Variants in LRRC4C observed in about 807,000 individuals in gnomAD.
LRRC4C encodes the protein leucine-rich repeat-containing protein 4C.
LRRC4C carries 5 observed loss-of-function variants against 33.6 expected under a neutral mutation model. That is an observed-to-expected ratio of 0.15 (90% confidence interval 0.08 to 0.31). The LOEUF (loss-of-function observed/expected upper bound fraction) is 0.31. LRRC4C is among the 10% of genes least tolerant of loss of function. The probability of loss-of-function intolerance (pLI) is 1.00; values close to 1 mark genes in which losing one functional copy is unlikely to be tolerated. For synonymous variants in LRRC4C, 329 were observed against 302.0 expected (o/e 1.09, Z -0.93); for missense variants, 560 against 796.7 (o/e 0.70, Z 3.58).
chr11:40,671,523 C>T (rs1944109162), intron 2 of LRRC4C, among the ~76,000 whole-genome samples: 1 of 151,922 alleles, frequency 6.6e-6, no homozygotes, highest in Non-Finnish European at 1.5e-5. Context: ...CATCATTGGC[C>T]ATCTTTCACT....
intron 5 of LRRC4C, among the ~76,000 whole-genome samples, chr11:40,176,539 C>T (rs1590622803): frequency 1.4e-5 from 2 of 138,906 alleles, no homozygotes; most frequent in African/African-American, 5.3e-5. Context: ...TTTTTCCACT[C>T]TTTTTTTTTT....
At chr11:40,414,243 G>C (rs887890599) in intron 3 of LRRC4C, among the ~76,000 whole-genome samples, 3 of 152,062 alleles carry the variant, frequency 2.0e-5, no homozygotes, top group Admixed American at 2.0e-4. Flanking sequence ...CACTAGGAAC[G>C]AGAGGATTGG....
At chr11:40,374,659 C>T (rs1261743772) in intron 3 of LRRC4C, among the ~76,000 whole-genome samples, 1 of 152,054 alleles carries the variant, frequency 6.6e-6, no homozygotes, top group Admixed American at 6.6e-5. Context: ...ATTTCATATC[C>T]AGCAAGCATA....
intron 1 of LRRC4C, among the ~76,000 whole-genome samples, chr11:41,240,362 G>T (rs1047864702): frequency 5.3e-5 from 8 of 152,124 alleles, no homozygotes; most frequent in Non-Finnish European, 7.4e-5. Context: ...ATGATAAAAT[G>T]CAGGAGTAAA....
chr11:41,235,410 A>G (rs1168719818), intron 1 of LRRC4C, among the ~76,000 whole-genome samples: 1 of 152,100 alleles, frequency 6.6e-6, no homozygotes, highest in Non-Finnish European at 1.5e-5. Context: ...TGCATGAAGC[A>G]GTATTCTGTG....
At chr11:41,320,904 A>G (rs1950939596) in intron 1 of LRRC4C, among the ~76,000 whole-genome samples, 1 of 152,220 alleles carries the variant, frequency 6.6e-6, no homozygotes, top group African/African-American at 2.4e-5. Flanking sequence ...GAATGAAGTC[A>G]TCTGTTCCAG....
chr11:40,229,682 A>G (rs1395094240), intron 5 of LRRC4C, among the ~76,000 whole-genome samples: 7 of 152,192 alleles, frequency 4.6e-5, no homozygotes, highest in Non-Finnish European at 8.8e-5. Context: ...TTCTTCTTCC[A>G]ATATATTTTC....
chr11:40,352,880 CA>C, intron 3 of LRRC4C, among the ~76,000 whole-genome samples: 1 of 152,266 alleles, frequency 6.6e-6, no homozygotes, highest in South Asian at 2.1e-4. Flanking sequence ...TTTCCTTCAG[CA>C]CTTTTAATAT....
At chr11:40,483,995 G>A (rs1953726799) in intron 3 of LRRC4C, among the ~76,000 whole-genome samples, 1 of 151,874 alleles carries the variant, frequency 6.6e-6, no homozygotes, top group African/African-American at 2.4e-5. Flanking sequence ...TAAGTAATGG[G>A]TAAATAAAAA....
Position 40,149,730 on chromosome 11 carries a change from A to T in LRRC4C, c.-95-8877T>A, listed in dbSNP as rs147743262. On this transcript the variant is annotated intron_variant, in intron 5 of 6. Transcript: ENST00000528697. ...AAGAATGATAAGAAAGAACTTAGAT[A>T]TAAAAACATCTGGGAGAAAAATATT... is the stretch of plus-strand genomic sequence containing the variant. Among the ~76,000 whole-genome samples the T allele has an allele frequency of 3.6e-3, 555 of 152,328 alleles. 1 individual carries two copies. The highest frequency in any genetic ancestry group is 0.013 in the African/African-American group (528 of 41,568).
intron 5 of LRRC4C, among the ~76,000 whole-genome samples, chr11:40,176,608 A>G (rs1590622974): frequency 6.6e-6 from 1 of 151,532 alleles, no homozygotes; most frequent in African/African-American, 2.4e-5. Context: ...TGGTACAAAC[A>G]TAGCTCGTTG....
At chr11:40,732,879 A>G (rs2136805327) in intron 2 of LRRC4C, among the ~76,000 whole-genome samples, 1 of 152,082 alleles carries the variant, frequency 6.6e-6, no homozygotes, top group South Asian at 2.1e-4. Context: ...TTTGTGGATC[A>G]TTTATTAGGT....
intron 1 of LRRC4C, among the ~76,000 whole-genome samples, chr11:41,174,750 G>T (rs1236050359): frequency 1.3e-5 from 2 of 151,682 alleles, no homozygotes; most frequent in Middle Eastern, 3.4e-3. Context: ...TATACCTTTG[G>T]CTCAGAACTC....
At chr11:40,454,158 A>G (rs1952025436) in intron 3 of LRRC4C, among the ~76,000 whole-genome samples, 1 of 149,596 alleles carries the variant, frequency 6.7e-6, no homozygotes, top group South Asian at 2.1e-4. Flanking sequence ...TTATAAAATG[A>G]CCACTTGATT....
chr11:40,559,186 T>C (rs1209862257), intron 3 of LRRC4C, among the ~76,000 whole-genome samples: 1 of 150,670 alleles, frequency 6.6e-6, no homozygotes, highest in African/African-American at 2.4e-5. Flanking sequence ...TGCGTCTTTT[T>C]TTTTTTTTTT....
At chr11:40,826,120 T>C (rs909493642) in intron 2 of LRRC4C, among the ~76,000 whole-genome samples, 7 of 151,966 alleles carry the variant, frequency 4.6e-5, no homozygotes, top group African/African-American at 1.7e-4. Flanking sequence ...TAGAACTAAC[T>C]GCTTGTTAAA....
intron 3 of LRRC4C, among the ~76,000 whole-genome samples, chr11:40,520,439 G>A (rs1030235566): frequency 2.0e-5 from 3 of 152,112 alleles, no homozygotes; most frequent in African/African-American, 7.2e-5. Context: ...TTATTGAAGG[G>A]TTATTAATTA....
chr11:41,065,552 G>T (rs35286713), intron 1 of LRRC4C, among the ~76,000 whole-genome samples: 1 of 152,106 alleles, frequency 6.6e-6, no homozygotes, highest in East Asian at 1.9e-4. Flanking sequence ...CCAGCATAGC[G>T]CACCAGCTCT....
At chr11:41,192,609 C>A (rs1946006769) in intron 1 of LRRC4C, among the ~76,000 whole-genome samples, 1 of 152,024 alleles carries the variant, frequency 6.6e-6, no homozygotes, top group East Asian at 1.9e-4. Flanking sequence ...CCAGCAAGAA[C>A]AAAAACCTTG....
Sources: gnomAD v4.1 joint callset for allele counts (sites outside exome capture counted in the v4.1 genomes callset) on GRCh38, gnomAD v4.1.1 for gene constraint, MANE v1.5 for transcripts, NCBI Gene and HGNC (gene_info 2026-07-23, HGNC 2026-07-21) for gene names.